The following CELF4 variants were observed in gnomAD, a reference collection of about 807,000 sequenced individuals.
The protein encoded by CELF4 is CUGBP Elav-like family member 4.
CELF4 carries 18 observed loss-of-function variants against 59.9 expected under a neutral mutation model. The ratio of observed to expected loss-of-function variants is 0.30; its 90% CI spans 0.21 to 0.45. The LOEUF is 0.45. Among genes scored for constraint, CELF4 ranks in the 20% least tolerant of loss-of-function variants. The probability of loss-of-function intolerance (pLI) is 1.00; values close to 1 mark genes in which losing one functional copy is unlikely to be tolerated. For missense variants in CELF4, 456 were observed against 689.0 expected (o/e 0.66, Z 3.79); for synonymous variants, 261 against 267.1 (o/e 0.98, Z 0.22).
intron 10 of CELF4, among the ~76,000 whole-genome samples, chr18:37,261,539 C>A (rs1423846417): frequency 1.3e-5 from 2 of 152,238 alleles, no homozygotes; most frequent in African/African-American, 2.4e-5. Flanking sequence ...TGAGCCCACA[C>A]GCTGTCTAAC....
chr18:37,339,527 G>T (rs1433164454), intron 2 of CELF4, among the ~76,000 whole-genome samples: 3 of 152,170 alleles, frequency 2.0e-5, no homozygotes, highest in Non-Finnish European at 2.9e-5. Context: ...GCTGAGGCAG[G>T]TGGATGATTT....
At chr18:37,448,362 C>T (rs577142063) in intron 2 of CELF4, among the ~76,000 whole-genome samples, 17 of 152,354 alleles carry the variant, frequency 1.1e-4, no homozygotes, top group Non-Finnish European at 2.5e-4. Flanking sequence ...GTCACCAGTC[C>T]TCTGAGGTGT....
intron 1 of CELF4, among the ~76,000 whole-genome samples, chr18:37,497,638 C>T (rs558670931): frequency 6.3e-5 from 9 of 142,278 alleles, no homozygotes; most frequent in South Asian, 4.5e-4. Flanking sequence ...GATGACAGAA[C>T]GAGACTCTGT....
chr18:37,310,687 G>A (rs931310027), intron 3 of CELF4, among the ~76,000 whole-genome samples: 3 of 152,176 alleles, frequency 2.0e-5, no homozygotes, highest in African/African-American at 2.4e-5. Context: ...TGCCATTCCC[G>A]TGTTTTATCA....
intron 3 of CELF4, 84 bp downstream of exon 3, chr18:37,321,719 G>A: frequency 2.0e-6 from 2 of 987,218 alleles, no homozygotes; most frequent in Non-Finnish European, 3.1e-6. Context: ...GAGGCGGGGA[G>A]TCGCTGCATC....
intron 1 of CELF4, among the ~76,000 whole-genome samples, chr18:37,505,717 A>G (rs951766843): frequency 6.6e-6 from 1 of 152,094 alleles, no homozygotes; most frequent in South Asian, 2.1e-4. Context: ...TGGCTATGTG[A>G]TGTTGGAGGA....
rs578101114 is a variant in CELF4, at chr18:37,465,425, C to T, written c.369+20100G>A. Among the ~76,000 whole-genome samples the T allele has an allele frequency of 2.5e-3, 381 of 152,192 alleles. 1 individual carries two copies. Among genetic ancestry groups the T allele is most frequent in the Non-Finnish European group, 1.0e-3 (68 of 68,012 alleles). ...AAGAAAGCTGGCCCTGAGTGCCAGC[C>T]GGGTTATGGTGGAAGATGGGAATGG... On this transcript the variant is annotated intron_variant, in intron 2 of 12. Transcript: ENST00000420428.
Position 37,259,247 on chromosome 18 carries a change from G to T in CELF4, c.1267C>A (p.Leu423Met). ...QQREGPEGCN[L>M]FIYHLPQEFG... ...TCCTGGGGCAGATGGTAGATGAACA[G>T]GTTACAGCCCTCGGGCCCTGCGGTG... The change falls in exon 11 of 13, where the codon CTG (leucine) becomes ATG (methionine). Residue 423 changes from leucine (L) to methionine (M), a missense_variant. Physicochemically the swap from Leu to Met is conservative, Grantham distance 15 (BLOSUM62 2). This residue lies in a region of CELF4 where 256 missense variants were observed against 340.8 expected (regional missense o/e 0.75). Transcript: ENST00000420428. 7.0e-7 allele frequency: 1 copy of T among 1,425,000 alleles called. No homozygotes were observed. The allele number at this position is 1,425,000 out of a possible 1,614,324, so 88.3% of individuals were successfully genotyped here.
Position 37,251,682 on chromosome 18 carries a change from A to G in CELF4, c.*44+2085T>C, listed in dbSNP as rs140157691. On this transcript the variant is annotated intron_variant, in intron 12 of 12. Transcript: ENST00000420428. Reference sequence around the variant, plus strand: ...ATGCTGATTTAAGAAAAAGTGTCCTATATACAGAAAAAGCTGCTTTCACGA... The same window carrying G: ...ATGCTGATTTAAGAAAAAGTGTCCTGTATACAGAAAAAGCTGCTTTCACGA... Among the ~76,000 whole-genome samples the G allele has an allele frequency of 1.4e-3, 206 of 152,314 alleles. 3 individuals carry two copies. The Middle Eastern group carries it at 0.024, about 18-fold the overall frequency.
At chr18:37,493,557 G>T (rs539376570) in intron 1 of CELF4, among the ~76,000 whole-genome samples, 1 of 152,266 alleles carries the variant, frequency 6.6e-6, no homozygotes, top group African/African-American at 2.4e-5. Context: ...GGATGCGGGT[G>T]TGGGGGAGGT....
chr18:37,520,993 C>T (rs1185375071), intron 1 of CELF4, among the ~76,000 whole-genome samples: 2 of 151,808 alleles, frequency 1.3e-5, no homozygotes, highest in African/African-American at 2.4e-5. Context: ...GGGGAGGGGT[C>T]CCTCAGGATC....
At chr18:37,529,498 C>T (rs893717352) in intron 1 of CELF4, among the ~76,000 whole-genome samples, 1 of 152,192 alleles carries the variant, frequency 6.6e-6, no homozygotes, top group East Asian at 1.9e-4. Flanking sequence ...TCCAATAGCT[C>T]AGCACCAGCT....
At chr18:37,492,638 T>C (rs1478169959) in intron 1 of CELF4, among the ~76,000 whole-genome samples, 1 of 152,124 alleles carries the variant, frequency 6.6e-6, no homozygotes, top group Admixed American at 6.5e-5. Context: ...ATCATGTACA[T>C]GTTCTTCCTC....
In CELF4 at chr18:37,565,513, C is replaced by T; in HGVS notation, c.129G>A (p.Pro43=). The T allele has an allele frequency of 1.2e-6, 2 of 1,614,166 alleles. No individual in the cohort carries two copies. Among genetic ancestry groups the T allele is most frequent in the Non-Finnish European group, 1.7e-6 (2 of 1,180,028 alleles). Reference sequence around the variant, plus strand: ...CGTGGTCCTTCATGGGAATGGTCGACGGGTTCCCCGGGCTGTGGCTTAATC... The same window carrying T: ...CGTGGTCCTTCATGGGAATGGTCGATGGGTTCCCCGGGCTGTGGCTTAATC... The part of the protein sequence containing the change: ...MNGLSHSPGN[P]STIPMKDHDA... Residue 43 remains proline, a synonymous_variant, in exon 1 of 13, where the codon CCG becomes CCA. Transcript: ENST00000420428.
chr18:37,538,926 C>A (rs996940106), intron 1 of CELF4, among the ~76,000 whole-genome samples: 13 of 152,196 alleles, frequency 8.5e-5, no homozygotes, highest in Non-Finnish European at 1.5e-4. Context: ...CCTCCTCACC[C>A]CAGCACCCCT....
At chr18:37,438,122 G>A (rs1334802102) in intron 2 of CELF4, among the ~76,000 whole-genome samples, 1 of 152,186 alleles carries the variant, frequency 6.6e-6, no homozygotes, top group South Asian at 2.1e-4. Flanking sequence ...CCCCAGAACT[G>A]TGAGAAATAA....
At chr18:37,518,220 G>A (rs777159572) in intron 1 of CELF4, among the ~76,000 whole-genome samples, 1 of 152,168 alleles carries the variant, frequency 6.6e-6, no homozygotes, top group Non-Finnish European at 1.5e-5. Flanking sequence ...CAGGCAGGCT[G>A]GTGGGCGGGC....
At chr18:37,419,917 G>A (rs915621407) in intron 2 of CELF4, among the ~76,000 whole-genome samples, 11 of 152,230 alleles carry the variant, frequency 7.2e-5, no homozygotes, top group South Asian at 2.1e-4. Flanking sequence ...GCCCGAGGTC[G>A]GCGGGAAGGG....
intron 2 of CELF4, among the ~76,000 whole-genome samples, chr18:37,358,503 A>G (rs1024122100): frequency 2.0e-5 from 3 of 152,200 alleles, no homozygotes; most frequent in East Asian, 3.9e-4. Context: ...AGGATAAGAC[A>G]TTGTGTGCAA....
Sources: gnomAD v4.1 joint callset for allele counts (sites outside exome capture counted in the v4.1 genomes callset) on GRCh38, gnomAD v4.1.1 for gene constraint, gnomAD v4.1.1 regional missense constraint, MANE v1.5 for transcripts, NCBI Gene and HGNC (gene_info 2026-07-23, HGNC 2026-07-21) for gene names.